Variants in USP34 observed in about 807,000 individuals in gnomAD.
USP34 encodes the protein ubiquitin carboxyl-terminal hydrolase 34.
Under a neutral mutation model 460.3 loss-of-function variants are expected in USP34, and 70 were observed. The observed-to-expected ratio is 0.15, with a 90% CI of 0.13 to 0.19. The LOEUF is 0.19. Among genes scored for constraint, USP34 ranks in the 10% least tolerant of loss-of-function variants. The probability of loss-of-function intolerance (pLI) is 1.00; values close to 1 mark genes in which losing one functional copy is unlikely to be tolerated. For synonymous variants in USP34, 1,647 were observed against 1,405.3 expected (o/e 1.17, Z -3.85); for missense variants, 3,985 against 4,236.2 (o/e 0.94, Z 1.65).
At chr2:61,275,545 T>C (rs1260032363) in intron 41 of USP34, among the ~76,000 whole-genome samples, 1 of 151,776 alleles carries the variant, frequency 6.6e-6, no homozygotes, top group Non-Finnish European at 1.5e-5. Flanking sequence ...AATCACTTGA[T>C]CTAGTAGTTC....
In USP34 at chr2:61,278,248, C is replaced by A; in HGVS notation, c.5350G>T (p.Asp1784Tyr). 1 of 1,613,710 alleles carries A rather than the reference C, an allele frequency of 6.2e-7. No individual in the cohort carries two copies. The highest frequency in any genetic ancestry group is 8.5e-7 in the Non-Finnish European group (1 of 1,179,774). Residue 1784 changes from aspartate to tyrosine, a missense_variant, in exon 41 of 80, where the codon GAT (aspartate) becomes TAT (tyrosine). Transcript: ENST00000398571. Reference sequence around the variant, plus strand: ...CTTAGGAGTCCTGTAAGCCCATCATCTTCTACATTACCATCCTGATGATCA... The same window carrying A: ...CTTAGGAGTCCTGTAAGCCCATCATATTCTACATTACCATCCTGATGATCA... ...ILDHQDGNVE[D>Y]DGLTGLLRLA...
chr2:61,339,623 A>G lies in USP34; in HGVS notation c.2559T>C (p.Asp853=), dbSNP rs774543544. 1 of 1,582,132 alleles carries G rather than the reference A, an allele frequency of 6.3e-7. No homozygotes were observed. Among genetic ancestry groups the G allele is most frequent in the East Asian group, 2.3e-5 (1 of 44,064 alleles). ...NSNAVTDINL[D]NVCKKGNTLL... is the part of the protein sequence containing the mutation. ...AAGTATTTCCTTTCTTGCAAACATT[A>G]TCCAAATTAATGTCTGTAACAGCAT... Residue 853 remains aspartate, a synonymous_variant, in exon 17 of 80, where the codon GAT becomes GAC. Coordinates refer to ENST00000398571, the MANE Select transcript of USP34 (RefSeq NM_014709.4).
intron 23 of USP34, among the ~76,000 whole-genome samples, chr2:61,316,246 AAAG>A (rs968202087): frequency 7.9e-5 from 12 of 152,094 alleles, no homozygotes; most frequent in African/African-American, 2.9e-4. Context: ...TCAGACAAGA[AAAG>A]AAGGCAGTAG....
At chr2:61,429,413 C>T (rs1422980844) in intron 1 of USP34, among the ~76,000 whole-genome samples, 1 of 151,976 alleles carries the variant, frequency 6.6e-6, no homozygotes, top group Non-Finnish European at 1.5e-5. Flanking sequence ...CACCACTGCA[C>T]TCCAGCCTGG....
At chr2:61,466,439 T>C (rs1191603126) in intron 1 of USP34, among the ~76,000 whole-genome samples, 4 of 151,890 alleles carry the variant, frequency 2.6e-5, no homozygotes, top group Non-Finnish European at 4.4e-5. Flanking sequence ...AAAACAATAA[T>C]ATATGATACA....
Position 61,221,536 on chromosome 2 carries a change from G to A in USP34, c.7865C>T (p.Pro2622Leu). 1 of 1,614,018 alleles carries A rather than the reference G, an allele frequency of 6.2e-7. No individual in the cohort carries two copies. Among genetic ancestry groups the A allele is most frequent in the Non-Finnish European group, 8.5e-7 (1 of 1,179,936 alleles). Residue 2622 changes from proline to leucine, a missense_variant, in exon 66 of 80, where the codon CCC (proline) becomes CTC (leucine). By Grantham distance (98) the Pro-to-Leu change is moderately conservative (BLOSUM62 -3). This residue lies in a region of USP34 where 604 missense variants were observed against 684.8 expected (regional missense o/e 0.88). Transcript: ENST00000398571. ...EFAGGPPGMPPFASYILQRIW... is the reference protein window; with the variant it reads ...EFAGGPPGMPLFASYILQRIW... ...CCTCTGCAGAATATAAGATGCAAAG[G>A]GAGGCATTCCTGGAGGTCCACCAGC...
intron 43 of USP34, among the ~76,000 whole-genome samples, chr2:61,262,296 A>G (rs901773704): frequency 5.3e-5 from 8 of 151,706 alleles, no homozygotes; most frequent in Non-Finnish European, 1.0e-4. Flanking sequence ...CACCCAGGTA[A>G]TAATAGTACC....
chr2:61,403,992 C>CCAAA (rs1693795196), intron 3 of USP34, among the ~76,000 whole-genome samples: 1 of 29,110 alleles, frequency 3.4e-5, no homozygotes, highest in Non-Finnish European at 7.4e-5. Context: ...GACTCTATCT[C>CCAAA]AAAAAAAAAA....
At chr2:61,271,537 TAG>T (rs1558502524) in intron 41 of USP34, among the ~76,000 whole-genome samples, 1 of 151,192 alleles carries the variant, frequency 6.6e-6, no homozygotes, top group Non-Finnish European at 1.5e-5. Context: ...TGCAAGGCAA[TAG>T]AGATAGGAAT....
In USP34 at chr2:61,259,748, G is replaced by A; in HGVS notation, c.5807C>T (p.Thr1936Ile). 1.2e-6 allele frequency: 2 copies of A among 1,613,340 alleles called. No individual in the cohort carries two copies. The highest frequency in any genetic ancestry group is 1.1e-5 in the South Asian group (1 of 91,066). The change falls in exon 44 of 80, where the codon ACT (threonine) becomes ATT (isoleucine). Residue 1936 changes from threonine (T) to isoleucine (I), a missense_variant. Coordinates refer to ENST00000398571, the MANE Select transcript of USP34 (RefSeq NM_014709.4). The part of the protein sequence containing the change: ...KYSEDMKHKT[T>I]LLELQKMFTY... ...AAACATTTTCTGAAGCTCCAGAAGA[G>A]TGGTCTTGTGCTTCATATCCTCTGA...
At chr2:61,299,294 A>G (rs1326283374) in intron 29 of USP34, among the ~76,000 whole-genome samples, 1 of 152,196 alleles carries the variant, frequency 6.6e-6, no homozygotes, top group Non-Finnish European at 1.5e-5. Context: ...CTATCAAAAT[A>G]CCACCATTTT....
At chr2:61,369,149 T>C (rs1472098982) in intron 10 of USP34, among the ~76,000 whole-genome samples, 1 of 152,218 alleles carries the variant, frequency 6.6e-6, no homozygotes, top group African/African-American at 2.4e-5. Flanking sequence ...GCAAAGATCA[T>C]GTAATTTAAT....
rs1691850071 is a variant in USP34 at position 61,348,804 on chromosome 2, T to C, written c.1626A>G (p.Gln542=). 5 of 1,613,912 alleles carry C rather than the reference T, an allele frequency of 3.1e-6. No homozygotes were observed. The highest frequency in any genetic ancestry group is 2.2e-5 in the South Asian group (2 of 91,056). Residue 542 remains glutamine, a synonymous_variant, in exon 14 of 80, where the codon CAA becomes CAG. Coordinates refer to ENST00000398571, the MANE Select transcript of USP34 (RefSeq NM_014709.4). ...GCACATGTTTGGTTCTATTAATAAG[T>C]TGCTCATCCATTTCAATGTCACTAC... The part of the protein sequence containing the change: ...SGGSDIEMDE[Q]LINRTKHVQQ...
At chr2:61,369,547 G>C (rs956499231) in intron 10 of USP34, among the ~76,000 whole-genome samples, 1 of 150,816 alleles carries the variant, frequency 6.6e-6, no homozygotes, top group African/African-American at 2.4e-5. Context: ...GGAGCGTGAG[G>C]CAGGAGAATC....
In USP34 at chr2:61,331,316, A is replaced by G. The variant is rs1286339903; in HGVS notation, c.2890T>C (p.Tyr964His). The change falls in exon 20 of 80, where the codon TAC (tyrosine) becomes CAC (histidine). Residue 964 changes from tyrosine (Y) to histidine (H), a missense_variant. Physicochemically the swap from Tyr to His is moderately conservative, Grantham distance 83. This residue lies in a region of USP34 where 1,114 missense variants were observed against 1,122.5 expected (regional missense o/e 0.99). Coordinates refer to ENST00000398571, the MANE Select transcript of USP34 (RefSeq NM_014709.4). ...MKLFFDNLVY[Y>H]IQTVREGRQK... ...CTTCCTTCTCTCACAGTTTGAATGT[A>G]GTATACCAAATTATCAAAGAAAAGC... 1.2e-6 allele frequency: 2 copies of G among 1,612,646 alleles called. No individual in the cohort carries two copies. Among genetic ancestry groups the G allele is most frequent in the East Asian group, 4.5e-5 (2 of 44,738 alleles).
intron 3 of USP34, among the ~76,000 whole-genome samples, chr2:61,404,238 GAACA>G (rs1450360876): frequency 6.6e-6 from 1 of 151,790 alleles, no homozygotes; most frequent in Non-Finnish European, 1.5e-5. Context: ...AAAGGTTACA[GAACA>G]AATAAGCTAG....
Position 61,293,468 on chromosome 2 carries a change from G to T in USP34, c.4544C>A (p.Thr1515Asn). Residue 1515 changes from threonine to asparagine, a missense_variant, in exon 33 of 80, where the codon ACT becomes AAT. Physicochemically the swap from Thr to Asn is moderately conservative, Grantham distance 65. Around this residue, in one of 14 missense-constraint regions of USP34, gnomAD observed 1,114 missense variants for 1,122.5 expected, o/e 0.99. Transcript: ENST00000398571. ...ILEPKEQESWTVWQLDCLACL... is the reference protein window; with the variant it reads ...ILEPKEQESWNVWQLDCLACL... ...AAACCATAAATATGCACTTACCACA[G>T]TCCATGATTCCTGCTCTTTAGGCTC... 5.0e-6 allele frequency: 8 copies of T among 1,611,750 alleles called. No homozygotes were observed. Among genetic ancestry groups the T allele is most frequent in the Non-Finnish European group, 5.1e-6 (6 of 1,178,516 alleles).
At chr2:61,354,587 T>C (rs182274411) in intron 10 of USP34, among the ~76,000 whole-genome samples, 24 of 152,280 alleles carry the variant, frequency 1.6e-4, no homozygotes, top group Admixed American at 1.6e-3. Flanking sequence ...CTCCCGCTGC[T>C]CAATGACCTG....
chr2:61,390,457 T>A lies in USP34; in HGVS notation c.753+4396A>T, dbSNP rs893985861. Among the ~76,000 whole-genome samples the A allele has an allele frequency of 7.9e-5, 12 of 152,198 alleles. No individual in the cohort carries two copies. In the South Asian group the frequency reaches 2.5e-3, roughly 32 times the overall value. ...GCATTCGCAAAGTAAGAAAACTACA[T>A]AAAAAGCTGCATTTGCAAAGTAAGA... On this transcript the variant is annotated intron_variant, in intron 5 of 79. Transcript: ENST00000398571.
Sources: allele counts gnomAD v4.1 joint callset (sites outside exome capture counted in the v4.1 genomes callset), GRCh38; gene constraint gnomAD v4.1.1; regional missense constraint gnomAD v4.1.1; transcripts MANE v1.5; gene names NCBI Gene and HGNC (gene_info 2026-07-23, HGNC 2026-07-21).